ADA: variants seen among roughly 807,000 people sequenced by gnomAD.
ADA encodes the protein adenosine deaminase.
In ADA, 45 loss-of-function variants were observed where a neutral mutation model predicts 49.0. The ratio of observed to expected loss-of-function variants is 0.92; its 90% CI spans 0.72 to 1.18. ADA has a LOEUF of 1.18. Among genes scored for constraint, ADA ranks in the 50% most tolerant of loss-of-function variants. The pLI, the probability that ADA is intolerant of heterozygous loss-of-function variation, is 0.00. For missense variants in ADA, 445 were observed against 472.5 expected, an observed-to-expected ratio of 0.94 and a Z score of 0.54; for synonymous variants, 173 against 184.2, an observed-to-expected ratio of 0.94 and a Z score of 0.49.
intron 1 of ADA, among the ~76,000 whole-genome samples, chr20:44,638,030 G>A (rs775178876): frequency 6.6e-6 from 1 of 152,154 alleles, no homozygotes; most frequent in African/African-American, 2.4e-5. Flanking sequence ...CCCTCACAGG[G>A]CTATGGAGAG....
In ADA at chr20:44,636,176, G is replaced by T. The variant is rs139976994; in HGVS notation, c.95+51C>A. Reference sequence around the variant, plus strand: ...TCCCCAGGGGCCTCTGGGTGGAGCTGGGGACCCCACTCAAATCCCAGGGAG... The same window carrying T: ...TCCCCAGGGGCCTCTGGGTGGAGCTTGGGACCCCACTCAAATCCCAGGGAG... On this transcript the variant is annotated intron_variant, in intron 2 of 11. Coordinates refer to ENST00000372874, the MANE Select transcript of ADA (RefSeq NM_000022.4). 7.3e-5 allele frequency: 110 copies of T among 1,508,856 alleles called. No homozygotes were observed. The African/African-American group carries it at 1.4e-3, about 19-fold the overall frequency. 93.5% of individuals were successfully genotyped at this position (1,508,856 alleles called of 1,614,324 possible).
rs116962828 is a variant in ADA at position 44,622,599 on chromosome 20, A to G, written c.834T>C (p.His278=). Residue 278 remains histidine (H), a synonymous_variant, in exon 9 of 12, where the codon CAT becomes CAC. Coordinates refer to ENST00000372874, the MANE Select transcript of ADA (RefSeq NM_000022.4). The stretch of plus-strand genomic sequence containing the variant: ...GGAACAGAGCTCACCGAATGACTGC[A>G]TGCTCCGTGTCCGGCTTCCAGGCAC... ...LTGAWKPDTE[H]AVIRLKNDQA... 2.3e-3 allele frequency: 3,725 copies of G among 1,614,234 alleles called. 50 individuals are homozygous for G. In the East Asian group the frequency reaches 0.031, roughly 13 times the overall value.
chr20:44,632,539 G>C (rs1600931675), intron 2 of ADA, among the ~76,000 whole-genome samples: 1 of 152,280 alleles, frequency 6.6e-6, no homozygotes, highest in East Asian at 1.9e-4. Flanking sequence ...ATGGGACACA[G>C]CTTCCCGAAG....
chr20:44,628,313 TCAG>T lies in ADA; in HGVS notation c.218+731_218+733del, dbSNP rs530674887. Among the ~76,000 whole-genome samples, 944 of 152,166 alleles carry T rather than the reference TCAG, an allele frequency of 6.2e-3. 14 individuals are homozygous for T. Among genetic ancestry groups the T allele is most frequent in the African/African-American group, 0.022 (895 of 41,512 alleles). ...GCCGAGGCGGGCAGATCACCTGAGGTCAGGAATTCGAGACCAGCCTGGCAAACA... is the reference window on the plus strand; with the variant it reads ...GCCGAGGCGGGCAGATCACCTGAGGTGAATTCGAGACCAGCCTGGCAAACA... On this transcript the variant is annotated intron_variant, in intron 3 of 11. Transcript: ENST00000372874.
intron 3 of ADA, among the ~76,000 whole-genome samples, chr20:44,626,893 A>G (rs1449632738): frequency 6.6e-6 from 1 of 152,034 alleles, no homozygotes; most frequent in Non-Finnish European, 1.5e-5. Context: ...AGTTGGGGCA[A>G]TCTTTTAAGA....
intron 1 of ADA, among the ~76,000 whole-genome samples, chr20:44,650,649 G>C (rs1430823736): frequency 6.6e-6 from 1 of 152,046 alleles, no homozygotes; most frequent in Admixed American, 6.6e-5. Flanking sequence ...GTCCAGGCTA[G>C]TCTCAAACTC....
At chr20:44,640,590 C>T (rs898798889) in intron 1 of ADA, among the ~76,000 whole-genome samples, 1 of 151,188 alleles carries the variant, frequency 6.6e-6, no homozygotes, top group African/African-American at 2.4e-5. Flanking sequence ...ATTGCTTGAA[C>T]CTGGGGGCAG....
intron 5 of ADA, among the ~76,000 whole-genome samples, chr20:44,624,721 G>A (rs1051060212): frequency 6.6e-6 from 1 of 152,182 alleles, no homozygotes; most frequent in South Asian, 2.1e-4. Context: ...CGTTTAACAC[G>A]TCATCTAAAA....
intron 9 of ADA, 52 bp from the exon 10 acceptor site, chr20:44,621,199 TAGTC>T (rs747269561): frequency 8.7e-6 from 14 of 1,612,056 alleles, no homozygotes; most frequent in South Asian, 7.7e-5. Flanking sequence ...CTTACATAAA[TAGTC>T]AGAACACATT....
rs185781310 is a variant in ADA at position 44,636,352 on chromosome 20, C to T, written c.34-64G>A. 8.0e-5 allele frequency: 109 copies of T among 1,357,134 alleles called. 1 individual carries two copies. The highest frequency in any genetic ancestry group is 5.4e-4 in the Middle Eastern group (3 of 5,558). 84.1% of individuals were successfully genotyped at this position (1,357,134 alleles called of 1,614,324 possible). A position where few individuals can be genotyped will look rare whatever the true frequency, so the allele number is the denominator to read the frequency against. On this transcript the variant is annotated intron_variant, in intron 1 of 11. Coordinates refer to ENST00000372874, the MANE Select transcript of ADA (RefSeq NM_000022.4). Reference sequence around the variant, plus strand: ...GAGAGAACAAATACCTATGAGTTCACGAAGGACCTTTCAGAGCTTAATGTT... The same window carrying T: ...GAGAGAACAAATACCTATGAGTTCATGAAGGACCTTTCAGAGCTTAATGTT...
In ADA at chr20:44,621,108, A is replaced by G; in HGVS notation, c.885T>C (p.Asp295=). The G allele has an allele frequency of 6.2e-7, 1 of 1,614,198 alleles. No individual in the cohort carries two copies. The highest frequency in any genetic ancestry group is 8.5e-7 in the Non-Finnish European group (1 of 1,180,032). ...GGGTGGACTTGAAGATGAGCGGGTC[A>G]TCTGTGTTGAGCGAGTAGTTAGCCT... ...NDQANYSLNT[D]DPLIFKSTLD... is the part of the protein sequence containing the mutation. Residue 295 remains aspartate, a synonymous_variant, in exon 10 of 12, where the codon GAT becomes GAC. Transcript: ENST00000372874.
intron 1 of ADA, among the ~76,000 whole-genome samples, chr20:44,647,008 A>C (rs1395202984): frequency 6.6e-6 from 1 of 152,034 alleles, no homozygotes; most frequent in Non-Finnish European, 1.5e-5. Context: ...GCTGACATAA[A>C]CATTAAATGA....
Position 44,619,822 on chromosome 20 carries a change from G to C in ADA, c.*12C>G, listed in dbSNP as rs758363542. 4.3e-6 allele frequency: 7 copies of C among 1,614,190 alleles called. No homozygotes were observed. The highest frequency in any genetic ancestry group is 5.9e-6 in the Non-Finnish European group (7 of 1,180,020). ...TGACTCCACAGGGTGAAGGCTTGGAGGAGTGGCGTCTTCAGAGGTTCTGCC... is the reference window on the plus strand; with the variant it reads ...TGACTCCACAGGGTGAAGGCTTGGACGAGTGGCGTCTTCAGAGGTTCTGCC... On this transcript the variant is annotated 3_prime_UTR_variant, in exon 12 of 12. Coordinates refer to ENST00000372874, the MANE Select transcript of ADA (RefSeq NM_000022.4).
Position 44,623,034 on chromosome 20 carries a change from C to T in ADA, c.651G>A (p.Glu217=), listed in dbSNP as rs1163524809. The change falls in exon 7 of 12, where the codon GAG becomes GAA. Residue 217 remains glutamate (E), a synonymous_variant. Transcript: ENST00000372874. The stretch of plus-strand genomic sequence containing the variant: ...CTTTTACTACTTCGGCCGAGCCCAC[C>T]TCCCCGGCGTGGACAGTACGGTGAA... ...SGIHRTVHAG[E]VGSAEVVKEA... is the part of the protein sequence containing the mutation. 1 of 1,613,818 alleles carries T rather than the reference C, an allele frequency of 6.2e-7. No individual in the cohort carries two copies. Among genetic ancestry groups the T allele is most frequent in the Non-Finnish European group, 8.5e-7 (1 of 1,179,906 alleles).
At chr20:44,626,847 C>G (rs977930653) in intron 3 of ADA, among the ~76,000 whole-genome samples, 2 of 152,176 alleles carry the variant, frequency 1.3e-5, no homozygotes, top group Non-Finnish European at 2.9e-5. Flanking sequence ...CTCCCTGTCT[C>G]CATGCTTGCC....
chr20:44,627,291 T>C (rs1480788303), intron 3 of ADA, among the ~76,000 whole-genome samples: 2 of 152,102 alleles, frequency 1.3e-5, no homozygotes, highest in East Asian at 1.9e-4. Context: ...AAGTGATTCG[T>C]CTGCCTCAGC....
chr20:44,631,302 C>A (rs1458492800), intron 2 of ADA, among the ~76,000 whole-genome samples: 3 of 152,108 alleles, frequency 2.0e-5, no homozygotes, highest in African/African-American at 7.2e-5. Context: ...AGCCCCTAAT[C>A]CCTGTAAGAG....
chr20:44,620,570 G>C, intron 10 of ADA, 169 bp from the exon 11 acceptor site: 1 of 687,940 alleles, frequency 1.5e-6, no homozygotes, highest in Non-Finnish European at 2.6e-6. Flanking sequence ...AGACCATGAG[G>C]TCGTGTTCTT....
In ADA at chr20:44,625,623, G is replaced by T. The variant is rs780014431; in HGVS notation, c.424C>A (p.Arg142=). The change falls in exon 5 of 12, where the codon CGA becomes AGA. Residue 142 remains arginine (R), a synonymous_variant. Coordinates refer to ENST00000372874, the MANE Select transcript of ADA (RefSeq NM_000022.4). ...LVGQGLQEGE[R]DFGVKARSIL... Reference sequence around the variant, plus strand: ...GACCGGGCCTTGACCCCGAAGTCTCGCTCCCCCTCCTGCAGGCCCTGGCCC... The same window carrying T: ...GACCGGGCCTTGACCCCGAAGTCTCTCTCCCCCTCCTGCAGGCCCTGGCCC... The T allele has an allele frequency of 6.3e-7, 1 of 1,585,208 alleles. No individual in the cohort carries two copies. The highest frequency in any genetic ancestry group is 1.3e-5 in the African/African-American group (1 of 74,574).
Sources: allele counts gnomAD v4.1 joint callset (sites outside exome capture counted in the v4.1 genomes callset), GRCh38; gene constraint gnomAD v4.1.1; transcripts MANE v1.5; gene names NCBI Gene and HGNC (gene_info 2026-07-23, HGNC 2026-07-21).